The following SCNN1B variants were observed in gnomAD, a reference collection of about 807,000 sequenced individuals.
SCNN1B encodes the protein sodium channel epithelial 1 subunit beta, also known as epithelial sodium channel subunit beta.
SCNN1B carries 46 observed loss-of-function variants against 65.3 expected under a neutral mutation model. That is an observed-to-expected ratio of 0.70 (90% confidence interval 0.56 to 0.90). The LOEUF (loss-of-function observed/expected upper bound fraction) is 0.90, where lower values mean the gene tolerates loss of function less well. Ranked by LOEUF, SCNN1B falls within the 40% of genes least tolerant of loss-of-function variation. The pLI is 0.00. For missense variants in SCNN1B, 751 were observed against 830.5 expected, an observed-to-expected ratio of 0.90 and a Z score of 1.18; for synonymous variants, 349 against 330.6, an observed-to-expected ratio of 1.06 and a Z score of -0.60.
chr16:23,301,366 A>AAAAAAAAAAAAAAAGAAAG (rs796515589), upstream of SCNN1B, among the ~76,000 whole-genome samples: 17 of 146,842 alleles, frequency 1.2e-4, no homozygotes, highest in African/African-American at 4.1e-4. Context: ...TGTCAAAAAA[A>AAAAAAAAAAAAAAAGAAAG]AAAGAAAGAA....
At chr16:23,374,782 C>T (rs540700838) in intron 7 of SCNN1B, among the ~76,000 whole-genome samples, 1 of 151,390 alleles carries the variant, frequency 6.6e-6, no homozygotes, top group Non-Finnish European at 1.5e-5. Context: ...GACTCAGGAG[C>T]GCAGGTGTGG....
At chr16:23,373,823 C>T (rs1962833210) in intron 7 of SCNN1B, among the ~76,000 whole-genome samples, 1 of 152,172 alleles carries the variant, frequency 6.6e-6, no homozygotes, top group Non-Finnish European at 1.5e-5. Context: ...TCATCTGAGC[C>T]TCTGGAGGGA....
intron 8 of SCNN1B, among the ~76,000 whole-genome samples, chr16:23,376,345 CGTGTGT>C (rs10584896): frequency 0.17 from 25,339 of 148,494 alleles, 2,258 homozygotes; most frequent in Middle Eastern, 0.25. Context: ...CTTTTGTGCA[CGTGTGT>C]GTGTGTGTGT....
At chr16:23,320,696 C>T (rs546353259) in intron 1 of SCNN1B, among the ~76,000 whole-genome samples, 1 of 152,362 alleles carries the variant, frequency 6.6e-6, no homozygotes, top group South Asian at 2.1e-4. Flanking sequence ...GGAGCTCTCA[C>T]ATTAGACACC....
rs528787675 is a variant in SCNN1B at position 23,279,754 on chromosome 16, G to T, written n.110+1414G>T. On this transcript the variant is annotated intron_variant and non_coding_transcript_variant, in intron 1 of 3. Coordinates refer to the SCNN1B transcript ENST00000569789. ...AATTCGTACCTTCTACGTTCAGATG[G>T]GTTGCAGCTCTTTAAACCCAGCCAG... 2.0e-5 allele frequency among the ~76,000 whole-genome samples: 3 copies of T among 152,256 alleles called. No homozygotes were observed. The East Asian group carries it at 5.8e-4, about 29-fold the overall frequency.
intron 8 of SCNN1B, among the ~76,000 whole-genome samples, chr16:23,376,113 C>T (rs1316313190): frequency 6.6e-6 from 1 of 152,236 alleles, no homozygotes; most frequent in Non-Finnish European, 1.5e-5. Flanking sequence ...TCCTTGTGGG[C>T]CTGTGTCTGT....
intron 11 of SCNN1B, 57 bp downstream of exon 11, chr16:23,378,824 G>T: frequency 6.5e-7 from 1 of 1,545,132 alleles, no homozygotes. Flanking sequence ...AGAAACTCGG[G>T]GCAGGAGTTT....
intron 7 of SCNN1B, among the ~76,000 whole-genome samples, chr16:23,372,833 C>T (rs1962813436): frequency 6.6e-6 from 1 of 150,580 alleles, no homozygotes; most frequent in African/African-American, 2.4e-5. Context: ...GGCATGGTGG[C>T]TCACGCCTGT....
intron 1 of SCNN1B, among the ~76,000 whole-genome samples, chr16:23,279,236 C>T (rs528798209): frequency 7.2e-5 from 11 of 152,056 alleles, no homozygotes; most frequent in African/African-American, 2.4e-4. Flanking sequence ...CCCACCACCA[C>T]GCCTGGCTAA....
chr16:23,372,549 C>T (rs1185050309), intron 7 of SCNN1B, among the ~76,000 whole-genome samples: 2 of 149,148 alleles, frequency 1.3e-5, no homozygotes, highest in East Asian at 2.0e-4. Flanking sequence ...GGCTGGAGTG[C>T]GGTGGCGTGA....
At chr16:23,305,216 T>G (rs1961168905) in intron 1 of SCNN1B, among the ~76,000 whole-genome samples, 1 of 152,044 alleles carries the variant, frequency 6.6e-6, no homozygotes, top group Non-Finnish European at 1.5e-5. Context: ...TGAAGTGAGC[T>G]GAGGTGCTCC....
intron 3 of SCNN1B, among the ~76,000 whole-genome samples, chr16:23,353,818 A>T (rs950924998): frequency 6.6e-6 from 1 of 152,230 alleles, no homozygotes; most frequent in African/African-American, 2.4e-5. Flanking sequence ...GGAGGCTGGT[A>T]TGCCATTAGT....
intron 7 of SCNN1B, among the ~76,000 whole-genome samples, chr16:23,375,130 A>T (rs1962866878): frequency 6.6e-6 from 1 of 152,158 alleles, no homozygotes; most frequent in Admixed American, 6.5e-5. Flanking sequence ...GTGGAGACTC[A>T]TCACGTCCAG....
At chr16:23,293,627 C>T (rs977148081) in intron 2 of SCNN1B, among the ~76,000 whole-genome samples, 1 of 152,090 alleles carries the variant, frequency 6.6e-6, no homozygotes, top group East Asian at 1.9e-4. Flanking sequence ...GAGATGTACA[C>T]TTAAAAATGA....
upstream of SCNN1B, among the ~76,000 whole-genome samples, chr16:23,301,619 AAAGG>A (rs1748691666): frequency 2.0e-5 from 3 of 152,132 alleles, no homozygotes; most frequent in African/African-American, 7.2e-5. Flanking sequence ...AGAGAAAAGA[AAAGG>A]AAGGGAAGAT....
intron 4 of SCNN1B, among the ~76,000 whole-genome samples, chr16:23,360,356 T>C (rs1054360312): frequency 6.6e-6 from 1 of 151,800 alleles, no homozygotes; most frequent in Non-Finnish European, 1.5e-5. Context: ...AGCAACATAG[T>C]GAGACCCCCC....
chr16:23,355,611 GCA>G (rs1257713324), intron 4 of SCNN1B, 122 bp downstream of exon 4: 3 of 988,696 alleles, frequency 3.0e-6, no homozygotes, highest in Admixed American at 1.9e-5. Flanking sequence ...GCTATCTGCA[GCA>G]CAGTTTTCTG....
rs1032346236 is a variant in SCNN1B, at chr16:23,304,985, C to T, written c.-9+2548C>T. 2.0e-5 allele frequency among the ~76,000 whole-genome samples: 3 copies of T among 152,122 alleles called. No individual in the cohort carries two copies. In the East Asian group the frequency reaches 5.8e-4, roughly 29 times the overall value. ...TGAACAGGGGAGACCTGGAGATGGC[C>T]CTTGGGTGGTGGGGGGACGCAGGGG... is the stretch of plus-strand genomic sequence containing the variant. On this transcript the variant is annotated intron_variant, in intron 1 of 12. Transcript: ENST00000343070.
chr16:23,312,027 C>T (rs1259069418), intron 1 of SCNN1B, among the ~76,000 whole-genome samples: 1 of 152,136 alleles, frequency 6.6e-6, no homozygotes, highest in Admixed American at 6.5e-5. Flanking sequence ...TTCATTACCC[C>T]ACTACATTGG....
Sources: gnomAD v4.1 joint callset for allele counts (sites outside exome capture counted in the v4.1 genomes callset) on GRCh38, gnomAD v4.1.1 for gene constraint, MANE v1.5 for transcripts, NCBI Gene and HGNC (gene_info 2026-07-23, HGNC 2026-07-21) for gene names.